The following LSR variants were observed in gnomAD, a reference collection of about 807,000 sequenced individuals.
LSR encodes the protein lipolysis stimulated lipoprotein receptor, also known as lipolysis-stimulated lipoprotein receptor.
A neutral mutation model predicts 61.8 loss-of-function variants in LSR; 44 were observed. The observed-to-expected ratio is 0.71, with a 90% CI of 0.56 to 0.91. LSR has a LOEUF of 0.91. Ranked by LOEUF, LSR falls within the 40% of genes least tolerant of loss-of-function variation. The pLI, the probability that LSR is intolerant of heterozygous loss-of-function variation, is 0.00. For synonymous variants in LSR, 397 were observed against 350.6 expected, an observed-to-expected ratio of 1.13 and a Z score of -1.48; for missense variants, 911 against 830.5, an observed-to-expected ratio of 1.10 and a Z score of -1.19.
At chr19:35,249,944 C>T (rs1015896771) in intron 1 of LSR, among the ~76,000 whole-genome samples, 5 of 152,126 alleles carry the variant, frequency 3.3e-5, no homozygotes, top group Admixed American at 6.5e-5. Context: ...GGGCCTTGGG[C>T]GCTGGGGGCA....
chr19:35,262,308 C>T (rs562680905), intron 4 of LSR, among the ~76,000 whole-genome samples: 13 of 152,286 alleles, frequency 8.5e-5, no homozygotes, highest in Admixed American at 3.9e-4. Flanking sequence ...CGTTTTCTGC[C>T]TTGTGTTTTT....
chr19:35,251,072 C>T (rs56002756), intron 2 of LSR, among the ~76,000 whole-genome samples: 15,430 of 152,122 alleles, frequency 0.1, 1,017 homozygotes, highest in Admixed American at 0.18. Context: ...CTGAGAGACA[C>T]CATACCCAGC....
rs117893715 is a variant in LSR, at chr19:35,262,353, C to T, written c.632-193C>T. ...GGGAGGGCCGTAACTGGGGAATGGCCGGGATGGTAGAATGGGGAGTGTGCT... is the reference window on the plus strand; with the variant it reads ...GGGAGGGCCGTAACTGGGGAATGGCTGGGATGGTAGAATGGGGAGTGTGCT... On this transcript the variant is annotated intron_variant, in intron 4 of 9. Transcript: ENST00000605618. 2.3e-4 allele frequency among the ~76,000 whole-genome samples: 35 copies of T among 152,168 alleles called. No homozygotes were observed. The East Asian group carries it at 6.4e-3, about 28-fold the overall frequency.
chr19:35,263,855 G>A (rs2065962781), intron 5 of LSR, among the ~76,000 whole-genome samples: 1 of 151,322 alleles, frequency 6.6e-6, no homozygotes, highest in South Asian at 2.1e-4. Context: ...CGCCCAGGCT[G>A]GAGTAAAGTG....
Position 35,261,923 on chromosome 19 carries a change from A to G in LSR, c.575-2A>G. On this transcript the variant is annotated splice_acceptor_variant, in intron 3 of 9. Coordinates refer to ENST00000605618, the MANE Select transcript of LSR (RefSeq NM_205834.4). LOFTEE classifies it high-confidence loss of function. ...TAATCTGTTTCTCTTTTGTCCCTCC[A>G]GGGAGGACCTCAGGGGTGGCTGAGC... is the stretch of plus-strand genomic sequence containing the variant. 6.8e-7 allele frequency: 1 copy of G among 1,471,514 alleles called. No homozygotes were observed. The highest frequency in any genetic ancestry group is 9.0e-7 in the Non-Finnish European group (1 of 1,115,514). The allele number at this position is 1,471,514 out of a possible 1,614,324, so 91.2% of individuals were successfully genotyped here.
intron 4 of LSR, 36 bp downstream of exon 4, chr19:35,262,017 A>C (rs1271900022): frequency 1.1e-5 from 17 of 1,509,068 alleles, no homozygotes; most frequent in Non-Finnish European, 1.5e-5. Context: ...GCTTCTCGGG[A>C]GCTCCCATAC....
At chr19:35,265,191 G>GT (rs2065981205) in intron 5 of LSR, among the ~76,000 whole-genome samples, 2 of 152,294 alleles carry the variant, frequency 1.3e-5, no homozygotes, top group Admixed American at 6.5e-5. Flanking sequence ...TGCTCAGTGA[G>GT]TAAGTGTTAG....
At chr19:35,249,153 A>G in intron 1 of LSR, 22 bp downstream of exon 1, 1 of 1,516,774 alleles carries the variant, frequency 6.6e-7, no homozygotes, top group Non-Finnish European at 8.8e-7. Context: ...GGGGCCTCTG[A>G]CGCTGCGGAA....
rs758486502 is a variant in LSR at position 35,267,821 on chromosome 19, C to T, written c.1771-3C>T. ...CATACCCTTCTTTCTTTCTCCCTTG[C>T]AGAACTTGGCCCTGAGTCGGGAAAG... is the stretch of plus-strand genomic sequence containing the variant. On this transcript the variant is annotated splice_polypyrimidine_tract_variant and splice_region_variant and intron_variant, in intron 9 of 9. Transcript: ENST00000605618. 1 of 1,614,060 alleles carries T rather than the reference C, an allele frequency of 6.2e-7. No individual in the cohort carries two copies. Among genetic ancestry groups the T allele is most frequent in the Non-Finnish European group, 8.5e-7 (1 of 1,179,960 alleles).
chr19:35,249,065 C>T lies in LSR; in HGVS notation c.43C>T (p.His15Tyr), dbSNP rs557558088. The change falls in exon 1 of 10, where the codon CAC (histidine) becomes TAC (tyrosine). Residue 15 changes from histidine (H) to tyrosine (Y), a missense_variant. Transcript: ENST00000605618. ...AGGLSRGLGS[H>Y]PAAAGRDAVV... ...CGGGCTCTCCAGAGGGCTGGGCTCC[C>T]ACCCGGCCGCCGCAGGCCGGGACGC... 5.3e-5 allele frequency: 83 copies of T among 1,569,246 alleles called. 1 individual carries two copies. In the South Asian group the frequency reaches 7.1e-4, roughly 13 times the overall value.
At chr19:35,249,429 C>A in intron 1 of LSR, 2 of 402,722 alleles carry the variant, frequency 5.0e-6, no homozygotes, top group East Asian at 4.8e-5. Context: ...GAAGACCGCC[C>A]GATCTCTGGG....
At chr19:35,255,967 T>C (rs2065851395) in intron 2 of LSR, among the ~76,000 whole-genome samples, 1 of 152,170 alleles carries the variant, frequency 6.6e-6, no homozygotes, top group South Asian at 2.1e-4. Flanking sequence ...GCGAGGTGGC[T>C]CATGCCTGGA....
At position 35,266,855 on chromosome 19, in the gene LSR, G is replaced by T. The variant is rs1160110989; in HGVS notation, c.1032G>T (p.Arg344Ser). 1 of 1,610,186 alleles carries T rather than the reference G, an allele frequency of 6.2e-7. No homozygotes were observed. Among genetic ancestry groups the T allele is most frequent in the East Asian group, 2.2e-5 (1 of 44,716 alleles). ...SVASEVRSGYRIQASQQDDSM... is the reference protein window; with the variant it reads ...SVASEVRSGYSIQASQQDDSM... ...CCCTAGAAGTCCGCAGTGGCTACAG[G>T]ATTCAGGCCAGCCAGCAGGACGACT... The change falls in exon 8 of 10, where the codon AGG becomes AGT. Residue 344 changes from arginine to serine, a missense_variant. Transcript: ENST00000605618.
intron 4 of LSR, 136 bp downstream of exon 4, chr19:35,262,117 G>A: frequency 1.2e-6 from 1 of 824,358 alleles, no homozygotes; most frequent in Non-Finnish European, 1.9e-6. Flanking sequence ...CCTGACTGTG[G>A]CTCTGAGGCA....
Position 35,267,870 on chromosome 19 carries a change from T to A in LSR, c.*11T>A. 6.2e-7 allele frequency: 1 copy of A among 1,613,204 alleles called. No individual in the cohort carries two copies. The highest frequency in any genetic ancestry group is 8.5e-7 in the Non-Finnish European group (1 of 1,179,682). ...AGTTTAGTCGTCTGATCTGACGTTT[T>A]CTACGTAGCTTTTGTATTTTTTTTT... is the stretch of plus-strand genomic sequence containing the variant. On this transcript the variant is annotated 3_prime_UTR_variant, in exon 10 of 10. Transcript: ENST00000605618.
intron 2 of LSR, chr19:35,253,687 T>C (rs1221377962): frequency 1.3e-5 from 2 of 152,394 alleles, no homozygotes; most frequent in Non-Finnish European, 1.5e-5. Flanking sequence ...GCCCTGAATT[T>C]CTGTGGGCAG....
rs2145552315 is a variant in LSR, at chr19:35,267,254, G to A, written c.1290G>A (p.Glu430=). ...GATGGGACCAGGAGCCCGCCAGGGAGCAGGCAGGCGGGGGCTGGCGGGCCA... is the reference window on the plus strand; with the variant it reads ...GATGGGACCAGGAGCCCGCCAGGGAACAGGCAGGCGGGGGCTGGCGGGCCA... ...PRGWDQEPAR[E]QAGGGWRARR... The change falls in exon 9 of 10, where the codon GAG becomes GAA. Residue 430 remains glutamate (E), a synonymous_variant. Coordinates refer to ENST00000605618, the MANE Select transcript of LSR (RefSeq NM_205834.4). The A allele has an allele frequency of 1.3e-6, 2 of 1,532,964 alleles. No individual in the cohort carries two copies. Among genetic ancestry groups the A allele is most frequent in the Non-Finnish European group, 1.8e-6 (2 of 1,142,124 alleles). 95.0% of individuals were successfully genotyped at this position (1,532,964 alleles called of 1,614,324 possible). A position where few individuals can be genotyped will look rare whatever the true frequency, so the allele number is the denominator to read the frequency against.
intron 5 of LSR, among the ~76,000 whole-genome samples, chr19:35,264,973 G>C (rs190694191): frequency 1.4e-4 from 21 of 152,280 alleles, no homozygotes; most frequent in Admixed American, 1.3e-3. Context: ...TTCCCTCTCT[G>C]AGTCCTGTTT....
intron 1 of LSR, 45 bp from the exon 2 acceptor site, chr19:35,250,270 C>G (rs771102831): frequency 3.3e-5 from 45 of 1,374,276 alleles, no homozygotes; most frequent in Non-Finnish European, 4.0e-5. Flanking sequence ...TGAAGCACCT[C>G]CCTGAGCTCA....
Sources: allele counts gnomAD v4.1 joint callset (sites outside exome capture counted in the v4.1 genomes callset), GRCh38; gene constraint gnomAD v4.1.1; transcripts MANE v1.5; gene names NCBI Gene and HGNC (gene_info 2026-07-23, HGNC 2026-07-21).